Variants in PRXL2A observed in about 807,000 individuals in gnomAD.
The protein encoded by PRXL2A is peroxiredoxin like 2A, also known as peroxiredoxin-like 2A.
PRXL2A carries 26 observed loss-of-function variants against 25.6 expected under a neutral mutation model. The ratio of observed to expected loss-of-function variants is 1.02; its 90% CI spans 0.74 to 1.41. PRXL2A has a LOEUF of 1.41. PRXL2A is among the 40% of genes most tolerant of loss of function. The probability of loss-of-function intolerance (pLI) is 0.00; values close to 1 mark genes in which losing one functional copy is unlikely to be tolerated. For synonymous variants in PRXL2A, 98 were observed against 102.9 expected, an observed-to-expected ratio of 0.95 and a Z score of 0.29; for missense variants, 246 against 273.9, an observed-to-expected ratio of 0.90 and a Z score of 0.72.
chr10:80,409,428 T>C (rs1250502979), intron 1 of PRXL2A, among the ~76,000 whole-genome samples: 1 of 152,196 alleles, frequency 6.6e-6, no homozygotes, highest in Non-Finnish European at 1.5e-5. Context: ...TCCCAGCTGC[T>C]CCTGCGCCTC....
chr10:80,426,098 G>A, intron 4 of PRXL2A, 92 bp downstream of exon 4: 2 of 1,513,416 alleles, frequency 1.3e-6, no homozygotes, highest in East Asian at 2.3e-5. Flanking sequence ...CTGGCCTGGA[G>A]CTGGAGGCTG....
rs1030754370 is a variant in PRXL2A, at chr10:80,431,431, C to CT, written c.577-547dup. ...GCTGATCTCAAACATGTTATTTTGT[C>CT]TTTTTTTTACTACCTCCAACTTTAG... On this transcript the variant is annotated intron_variant, in intron 5 of 5. Transcript: ENST00000606162. Among the ~76,000 whole-genome samples, 7 of 151,548 alleles carry CT rather than the reference C, an allele frequency of 4.6e-5. No individual in the cohort carries two copies. The South Asian group carries it at 6.3e-4, about 14-fold the overall frequency.
intron 1 of PRXL2A, among the ~76,000 whole-genome samples, chr10:80,418,268 T>C (rs773546036): frequency 3.3e-4 from 50 of 152,092 alleles, no homozygotes; most frequent in Non-Finnish European, 7.1e-4. Flanking sequence ...GAACACGTGG[T>C]ATTTGATTTT....
intron 5 of PRXL2A, 99 bp from the exon 6 acceptor site, chr10:80,431,887 A>G (rs6585994): frequency 0.56 from 472,146 of 849,200 alleles, 133,838 homozygotes; most frequent in East Asian, 0.82. Flanking sequence ...GTCCTTTGCT[A>G]TTCAAGCAAA....
Position 80,433,846 on chromosome 10 carries a change from C to T in PRXL2A, c.*1747C>T, listed in dbSNP as rs1845333787. 6.6e-6 allele frequency: 1 copy of T among 152,188 alleles called. No homozygotes were observed. Among genetic ancestry groups the T allele is most frequent in the South Asian group, 2.1e-4 (1 of 4,830 alleles). The allele number at this position is 152,188 out of a possible 1,614,324, so 9.4% of individuals were successfully genotyped here. A position where few individuals can be genotyped will look rare whatever the true frequency, so the allele number is the denominator to read the frequency against. On this transcript the variant is annotated 3_prime_UTR_variant, in exon 6 of 6. Coordinates refer to ENST00000606162, the MANE Select transcript of PRXL2A (RefSeq NM_032333.5). ...AGTTCTCTTGCAACTAAAGAAGAAC[C>T]TGAGGTCAGGTGTGGTGGCTCACGC...
chr10:80,413,536 C>T (rs565562181), intron 1 of PRXL2A, among the ~76,000 whole-genome samples: 8 of 152,298 alleles, frequency 5.3e-5, no homozygotes, highest in Admixed American at 1.3e-4. Context: ...GGCTGTGTTA[C>T]GAGCTTTGCT....
At chr10:80,425,819 C>T in intron 3 of PRXL2A, 47 bp from the exon 4 acceptor site, 2 of 1,611,238 alleles carry the variant, frequency 1.2e-6, no homozygotes, top group African/African-American at 1.3e-5. Flanking sequence ...TGTGGAGGCC[C>T]ACAGCCAGCT....
intron 2 of PRXL2A, 54 bp from the exon 3 acceptor site, chr10:80,422,363 G>A (rs1372405390): frequency 1.5e-5 from 22 of 1,428,662 alleles, no homozygotes; most frequent in Admixed American, 3.4e-5. Context: ...GAGCTGCTTA[G>A]TGATTGGGGC....
In PRXL2A at chr10:80,425,892, A is replaced by C. The variant is rs1445702126; in HGVS notation, c.297A>C (p.Lys99Asn). ...REEAADLSSL[K>N]SMLDQLGVPL... ...AAGCTGCGGATCTGTCCTCCCTGAAAAGCATGTTGGACCAGCTGGGCGTCC... is the reference window on the plus strand; with the variant it reads ...AAGCTGCGGATCTGTCCTCCCTGAACAGCATGTTGGACCAGCTGGGCGTCC... Residue 99 changes from lysine to asparagine, a missense_variant, in exon 4 of 6, where the codon AAA becomes AAC. Transcript: ENST00000606162. The C allele has an allele frequency of 1.1e-5, 17 of 1,614,250 alleles. No homozygotes were observed. The highest frequency in any genetic ancestry group is 1.4e-5 in the Non-Finnish European group (17 of 1,180,046).
intron 1 of PRXL2A, chr10:80,413,723 G>A: frequency 2.5e-6 from 1 of 393,550 alleles, no homozygotes; most frequent in Non-Finnish European, 3.5e-6. Context: ...GGAGCCCCAG[G>A]GTTTCTGGGT....
intron 5 of PRXL2A, among the ~76,000 whole-genome samples, chr10:80,429,116 C>T (rs550261854): frequency 9.8e-4 from 143 of 146,026 alleles, no homozygotes; most frequent in African/African-American, 3.8e-3. Context: ...ATGATCTGCC[C>T]GCCTCAGCCT....
At chr10:80,423,673 C>G (rs1589210958) in intron 3 of PRXL2A, among the ~76,000 whole-genome samples, 1 of 152,236 alleles carries the variant, frequency 6.6e-6, no homozygotes, top group African/African-American at 2.4e-5. Context: ...CTTGGAAATA[C>G]AGCTTGTTTT....
intron 5 of PRXL2A, among the ~76,000 whole-genome samples, chr10:80,427,773 G>T (rs1323991378): frequency 6.6e-6 from 1 of 152,054 alleles, no homozygotes; most frequent in Non-Finnish European, 1.5e-5. Flanking sequence ...AACTGAAAAG[G>T]GATGAGCAGC....
At chr10:80,427,308 G>A in intron 4 of PRXL2A, 24 bp from the exon 5 acceptor site, 2 of 1,610,680 alleles carry the variant, frequency 1.2e-6, no homozygotes, top group Non-Finnish European at 1.7e-6. Flanking sequence ...TACTCATATG[G>A]GATCTGTCTT....
intron 3 of PRXL2A, among the ~76,000 whole-genome samples, chr10:80,424,706 A>C (rs1844983271): frequency 6.6e-6 from 1 of 152,094 alleles, no homozygotes; most frequent in Non-Finnish European, 1.5e-5. Context: ...CTAAAAATAC[A>C]AAAAATTAGC....
At position 80,432,959 on chromosome 10, in the gene PRXL2A, T is replaced by A. The variant is rs1845319293; in HGVS notation, c.*860T>A. The A allele has an allele frequency of 6.6e-6, 1 of 152,218 alleles. No individual in the cohort carries two copies. The highest frequency in any genetic ancestry group is 2.4e-5 in the African/African-American group (1 of 41,454). 9.4% of individuals were successfully genotyped at this position (152,218 alleles called of 1,614,324 possible). On this transcript the variant is annotated 3_prime_UTR_variant, in exon 6 of 6. Transcript: ENST00000606162. ...GAGATCTGTTTCTCTAGAAAAAATGTCCATCTCTGGCTTTAATAAAATTAT... is the reference window on the plus strand; with the variant it reads ...GAGATCTGTTTCTCTAGAAAAAATGACCATCTCTGGCTTTAATAAAATTAT...
chr10:80,413,964 A>C, intron 1 of PRXL2A: 1 of 818,594 alleles, frequency 1.2e-6, no homozygotes, highest in South Asian at 2.3e-5. Context: ...TAGGAAAGAG[A>C]CAGGGTCTCG....
At chr10:80,427,142 CAAA>C (rs767746938) in intron 4 of PRXL2A, among the ~76,000 whole-genome samples, 187 bp from the exon 5 acceptor site, 7 of 91,954 alleles carry the variant, frequency 7.6e-5, no homozygotes, top group East Asian at 4.0e-4. Context: ...GACTCCATCT[CAAA>C]AAAAAAAAAA....
At chr10:80,429,562 T>TCCTGCCCTGC (rs1242537403) in intron 5 of PRXL2A, among the ~76,000 whole-genome samples, 58 of 46,094 alleles carry the variant, frequency 1.3e-3, no homozygotes, top group African/African-American at 4.3e-3. Context: ...CCCTAGCCTC[T>TCCTGCCCTGC]CCTGCCCTGC....
Sources: allele counts gnomAD v4.1 joint callset (sites outside exome capture counted in the v4.1 genomes callset), GRCh38; gene constraint gnomAD v4.1.1; transcripts MANE v1.5; gene names NCBI Gene and HGNC (gene_info 2026-07-23, HGNC 2026-07-21).